ZC3H12D: variants seen among roughly 807,000 people sequenced by gnomAD.
ZC3H12D encodes the protein probable ribonuclease ZC3H12D.
A neutral mutation model predicts 24.2 loss-of-function variants in ZC3H12D; 11 were observed. That is an observed-to-expected ratio of 0.46 (90% CI 0.29 to 0.75). ZC3H12D has a LOEUF of 0.75. Among genes scored for constraint, ZC3H12D ranks in the 30% least tolerant of loss-of-function variants. The pLI is 0.11. For missense variants in ZC3H12D, 740 were observed against 767.7 expected (o/e 0.96, Z 0.43); for synonymous variants, 333 against 341.8 (o/e 0.97, Z 0.28).
At position 149,482,542 on chromosome 6, in the gene ZC3H12D, G is replaced by A. The variant is rs181479489; in HGVS notation, c.-71+2271C>T. On this transcript the variant is annotated intron_variant, in intron 1 of 5. Transcript: ENST00000409806. ...TTGTCAGAGCGGGCTGCTGGGGGTG[G>A]GTTCGGGGCGGCCTGGAAGAGCAGG... Among the ~76,000 whole-genome samples the A allele has an allele frequency of 5.3e-3, 812 of 152,288 alleles. 12 individuals carry two copies. The highest frequency in any genetic ancestry group is 0.019 in the African/African-American group (779 of 41,558).
Position 149,474,493 on chromosome 6 carries a change from C to A in ZC3H12D, c.51G>T (p.Arg17=). The change falls in exon 2 of 6, where the codon CGG becomes CGT. Residue 17 remains arginine, a synonymous_variant. Coordinates refer to ENST00000409806, the MANE Select transcript of ZC3H12D (RefSeq NM_207360.3). ...TGCCCAACACCCGGAGCACATCCTCCCGGTCATAGCCCAGCTTCTGGAAGA... is the reference window on the plus strand; with the variant it reads ...TGCCCAACACCCGGAGCACATCCTCACGGTCATAGCCCAGCTTCTGGAAGA... ...MEFFQKLGYD[R]EDVLRVLGKL... 1 of 1,560,858 alleles carries A rather than the reference C, an allele frequency of 6.4e-7. No homozygotes were observed. Among genetic ancestry groups the A allele is most frequent in the East Asian group, 2.3e-5 (1 of 43,882 alleles).
Position 149,456,622 on chromosome 6 carries a change from C to CCCCCCCCCCCCCCCCCCGGGGGCAGG in ZC3H12D, c.680+43_680+44insCCTGCCCCCGGGGGGGGGGGGGGGGG. ...GGCCACTGCCTCGACCCCGGCCCCC[C>CCCCCCCCCCCCCCCCCCGGGGGCAGG]GCCCCGCCGCCCCCCAGGGTGTCAG... On this transcript the variant is annotated intron_variant, in intron 4 of 5. Transcript: ENST00000409806. This position sits in a 1 kb window ranked among gnomAD's most constrained non-coding sequence, Gnocchi z 4.3. The CCCCCCCCCCCCCCCCCCGGGGGCAGG allele has an allele frequency of 1.5e-6, 2 of 1,314,352 alleles. No individual in the cohort carries two copies. The highest frequency in any genetic ancestry group is 1.4e-5 in the African/African-American group (1 of 69,360). The allele number at this position is 1,314,352 out of a possible 1,614,324, so 81.4% of individuals were successfully genotyped here.
chr6:149,474,143 G>A, intron 2 of ZC3H12D, 96 bp downstream of exon 2: 1 of 1,140,718 alleles, frequency 8.8e-7, no homozygotes, highest in Non-Finnish European at 1.2e-6. Flanking sequence ...TGGCCCCAAA[G>A]CTCTTTGGAC....
rs1256043157 is a variant in ZC3H12D, at chr6:149,447,246, C to T, written c.*3437G>A. ...ACAACCTCAGTCTTCTTCACGCCTA[C>T]TTTTTTTTGTTTTTTGAGACAGAGT... On this transcript the variant is annotated 3_prime_UTR_variant, in exon 6 of 6. Coordinates refer to ENST00000409806, the MANE Select transcript of ZC3H12D (RefSeq NM_207360.3). The T allele has an allele frequency of 2.0e-5, 3 of 152,092 alleles. No individual in the cohort carries two copies. Among genetic ancestry groups the T allele is most frequent in the Non-Finnish European group, 4.4e-5 (3 of 68,084 alleles). The allele number at this position is 152,092 out of a possible 1,614,324, so 9.4% of individuals were successfully genotyped here.
chr6:149,466,066 C>T (rs1265858437), intron 2 of ZC3H12D, among the ~76,000 whole-genome samples: 5 of 152,130 alleles, frequency 3.3e-5, no homozygotes, highest in South Asian at 2.1e-4. Flanking sequence ...CCCCATCCCT[C>T]GCATGACCCC....
intron 3 of ZC3H12D, among the ~76,000 whole-genome samples, chr6:149,458,111 C>CTCGTTTCTTTTTTTTT (rs1246641761): frequency 7.5e-5 from 6 of 80,240 alleles, no homozygotes; most frequent in African/African-American, 2.8e-4. Context: ...CTTTCTTTTT[C>CTCGTTTCTTTTTTTTT]TTTTTTTTTT....
chr6:149,479,745 C>T (rs1583193996), intron 1 of ZC3H12D, among the ~76,000 whole-genome samples: 1 of 151,960 alleles, frequency 6.6e-6, no homozygotes. Context: ...ACTATGTTGC[C>T]CAAGCTGGAC....
chr6:149,456,628 G>GGGGGCAGGAC lies in ZC3H12D; in HGVS notation c.680+37_680+38insGTCCTGCCCC. 1 of 787,346 alleles carries GGGGGCAGGAC rather than the reference G, an allele frequency of 1.3e-6. No individual in the cohort carries two copies. Among genetic ancestry groups the GGGGGCAGGAC allele is most frequent in the Non-Finnish European group, 2.0e-6 (1 of 491,392 alleles). The allele number at this position is 787,346 out of a possible 1,614,324, so 48.8% of individuals were successfully genotyped here. On this transcript the variant is annotated intron_variant, in intron 4 of 5. Coordinates refer to ENST00000409806, the MANE Select transcript of ZC3H12D (RefSeq NM_207360.3). This position sits in a 1 kb window ranked among gnomAD's most constrained non-coding sequence, Gnocchi z 4.3. ...TGCCTCGACCCCGGCCCCCCGCCCCGCCGCCCCCCAGGGTGTCAGGACCCC... is the reference window on the plus strand; with the variant it reads ...TGCCTCGACCCCGGCCCCCCGCCCCGGGGGCAGGACCCGCCCCCCAGGGTGTCAGGACCCC...
intron 3 of ZC3H12D, among the ~76,000 whole-genome samples, chr6:149,460,873 A>G (rs548848): frequency 0.65 from 97,860 of 151,444 alleles, 34,017 homozygotes; most frequent in African/African-American, 0.9. Flanking sequence ...GTGTGGTGAT[A>G]TGCACCTATA....
At position 149,469,555 on chromosome 6, in the gene ZC3H12D, G is replaced by A. The variant is rs78500019; in HGVS notation, c.305+4684C>T. 0.014 allele frequency among the ~76,000 whole-genome samples: 2,114 copies of A among 152,264 alleles called. 119 individuals carry two copies. The East Asian group carries it at 0.15, about 11-fold the overall frequency. On this transcript the variant is annotated intron_variant, in intron 2 of 5. Transcript: ENST00000409806. ...TTTGAACACGCTTTCAATGAAAGCTGCCTTCTTTTTAAAAAGTTGCTGGAC... is the reference window on the plus strand; with the variant it reads ...TTTGAACACGCTTTCAATGAAAGCTACCTTCTTTTTAAAAAGTTGCTGGAC...
At position 149,460,625 on chromosome 6, in the gene ZC3H12D, A is replaced by G. The variant is rs146787817; in HGVS notation, c.445+1206T>C. 2.3e-3 allele frequency among the ~76,000 whole-genome samples: 349 copies of G among 152,168 alleles called. 2 individuals are homozygous for G. Among genetic ancestry groups the G allele is most frequent in the African/African-American group, 7.2e-3 (300 of 41,528 alleles). ...AGAGGTGGGTGGATCACCTGAGGTC[A>G]GGAGTTCAAGACCAGCCAACATGAT... On this transcript the variant is annotated intron_variant, in intron 3 of 5. Transcript: ENST00000409806.
chr6:149,456,635 C>CCCCCGGGGGGCCGT lies in ZC3H12D; in HGVS notation c.680+30_680+31insACGGCCCCCCGGGG. The CCCCCGGGGGGCCGT allele has an allele frequency of 6.4e-7, 1 of 1,561,540 alleles. No homozygotes were observed. Among genetic ancestry groups the CCCCCGGGGGGCCGT allele is most frequent in the Non-Finnish European group, 8.8e-7 (1 of 1,135,806 alleles). On this transcript the variant is annotated intron_variant, in intron 4 of 5. Coordinates refer to ENST00000409806, the MANE Select transcript of ZC3H12D (RefSeq NM_207360.3). This position sits in a 1 kb window ranked among gnomAD's most constrained non-coding sequence, Gnocchi z 4.3. The stretch of plus-strand genomic sequence containing the variant: ...ACCCCGGCCCCCCGCCCCGCCGCCC[C>CCCCCGGGGGGCCGT]CCAGGGTGTCAGGACCCCAGCCGGA...
intron 2 of ZC3H12D, among the ~76,000 whole-genome samples, chr6:149,473,260 T>C (rs549207517): frequency 5.9e-5 from 9 of 151,886 alleles, no homozygotes; most frequent in Non-Finnish European, 1.0e-4. Flanking sequence ...TGAGCCCAAA[T>C]CCCCAGGGGA....
chr6:149,455,092 T>C (rs1413256137), intron 4 of ZC3H12D, among the ~76,000 whole-genome samples: 2 of 152,072 alleles, frequency 1.3e-5, no homozygotes, highest in Non-Finnish European at 2.9e-5. Context: ...GGTTGAGTGG[T>C]TCCCCCTTGA....
intron 1 of ZC3H12D, among the ~76,000 whole-genome samples, chr6:149,479,724 A>G (rs1205835692): frequency 6.6e-6 from 1 of 152,138 alleles, no homozygotes; most frequent in East Asian, 1.9e-4. Context: ...AATTTTTAGA[A>G]ACAGGGTCTC....
intron 1 of ZC3H12D, among the ~76,000 whole-genome samples, chr6:149,475,790 T>TG (rs912980674): frequency 1.3e-5 from 2 of 151,528 alleles, no homozygotes; most frequent in African/African-American, 4.9e-5. Flanking sequence ...CACCGGGGGT[T>TG]GGGGGGTGGC....
intron 2 of ZC3H12D, among the ~76,000 whole-genome samples, chr6:149,465,473 G>A (rs1189235846): frequency 1.3e-5 from 2 of 151,408 alleles, no homozygotes; most frequent in East Asian, 2.0e-4. Context: ...GGAAGAGGAA[G>A]GCCGGGTGTG....
intron 5 of ZC3H12D, among the ~76,000 whole-genome samples, chr6:149,451,728 ACT>A (rs1254388565): frequency 2.0e-5 from 3 of 152,146 alleles, no homozygotes; most frequent in African/African-American, 7.2e-5. Flanking sequence ...CGCTGAGCAC[ACT>A]CATCCCAGGG....
chr6:149,450,762 G>A lies in ZC3H12D; in HGVS notation c.1505C>T (p.Pro502Leu), dbSNP rs1775875474. Reference protein sequence around the residue: ...DQVDRVMAAFPELSDLARLIL... With the variant: ...DQVDRVMAAFLELSDLARLIL... ...GAGCCTGGCGAGGTCTGAGAGCTCC[G>A]GGAACGCGGCCATCACGCGGTCCAC... Residue 502 changes from proline (P) to leucine (L), a missense_variant, in exon 6 of 6, where the codon CCG (proline) becomes CTG (leucine). Coordinates refer to ENST00000409806, the MANE Select transcript of ZC3H12D (RefSeq NM_207360.3). 2 of 1,549,130 alleles carry A rather than the reference G, an allele frequency of 1.3e-6. No homozygotes were observed. Among genetic ancestry groups the A allele is most frequent in the Non-Finnish European group, 1.7e-6 (2 of 1,146,660 alleles).
Sources: allele counts gnomAD v4.1 joint callset (sites outside exome capture counted in the v4.1 genomes callset), GRCh38; gene constraint gnomAD v4.1.1; non-coding constraint Gnocchi (gnomAD v3.1); transcripts MANE v1.5; gene names NCBI Gene and HGNC (gene_info 2026-07-23, HGNC 2026-07-21).